Variants in MRPL14 observed in about 807,000 individuals in gnomAD.
MRPL14 encodes mitochondrial ribosomal protein L14.
A neutral mutation model predicts 10.9 loss-of-function variants in MRPL14; 8 were observed. The observed-to-expected ratio is 0.74, with a 90% CI of 0.43 to 1.33. The LOEUF (loss-of-function observed/expected upper bound fraction) is 1.33, where lower values mean the gene tolerates loss of function less well. Among genes scored for constraint, MRPL14 ranks in the 40% most tolerant of loss-of-function variants. The pLI is 0.01. For missense variants in MRPL14, 179 were observed against 194.5 expected, an observed-to-expected ratio of 0.92 and a Z score of 0.47; for synonymous variants, 82 against 74.1, an observed-to-expected ratio of 1.11 and a Z score of -0.54.
At chr6:44,126,696 A>T (rs1000770792) in intron 1 of MRPL14, among the ~76,000 whole-genome samples, 1 of 152,212 alleles carries the variant, frequency 6.6e-6, no homozygotes, top group African/African-American at 2.4e-5. Context: ...CCCTCCAGGA[A>T]CCAGAAATTA....
intron 1 of MRPL14, chr6:44,127,035 G>C (rs546703009): frequency 2.6e-5 from 4 of 152,348 alleles, no homozygotes; most frequent in South Asian, 2.1e-4. Context: ...AACGCAGCCC[G>C]CCCTCCCCAA....
chr6:44,124,318 G>A (rs1056048385), intron 1 of MRPL14, among the ~76,000 whole-genome samples: 2 of 152,134 alleles, frequency 1.3e-5, no homozygotes, highest in African/African-American at 4.8e-5. Flanking sequence ...GGGTCTCAAC[G>A]ACTCTCTGTC....
intron 1 of MRPL14, among the ~76,000 whole-genome samples, chr6:44,120,730 G>A (rs1340350527): frequency 6.6e-6 from 1 of 152,198 alleles, no homozygotes; most frequent in East Asian, 1.9e-4. Context: ...AACAGTAGGA[G>A]TGCAATAAAT....
chr6:44,127,144 A>G (rs1424138357), intron 1 of MRPL14, 200 bp downstream of exon 1: 1 of 132,088 alleles, frequency 7.6e-6, no homozygotes, highest in African/African-American at 2.6e-5. Context: ...GGATCCGGGT[A>G]AGGGGCCTCC....
In MRPL14 at chr6:44,116,449, G is replaced by GT; in HGVS notation, c.71+91dup. 35 of 1,327,814 alleles carry GT rather than the reference G, an allele frequency of 2.6e-5. 1 individual carries two copies. The South Asian group carries it at 4.1e-4, about 15-fold the overall frequency. The allele number at this position is 1,327,814 out of a possible 1,614,324, so 82.3% of individuals were successfully genotyped here. A position where few individuals can be genotyped will look rare whatever the true frequency, so the allele number is the denominator to read the frequency against. On this transcript the variant is annotated intron_variant, in intron 2 of 2. Coordinates refer to ENST00000372014, the MANE Select transcript of MRPL14 (RefSeq NM_032111.4). ...CCCAACCCCATGCCCACCTCCCTGA[G>GT]TTTTTACTCCTGTTCTAGTCACCGT...
At position 44,114,071 on chromosome 6, in the gene MRPL14, G is replaced by A. The variant is rs550952585; in HGVS notation, c.210C>T (p.Gly70=). The change falls in exon 3 of 3, where the codon GGC becomes GGT. Residue 70 remains glycine (G), a synonymous_variant. Transcript: ENST00000372014. ...VYKKNGVGKV[G]DQILLAIKGQ... is the part of the protein sequence containing the mutation. ...CCTTGATGGCCAGTAGTATCTGGTC[G>A]CCCACCTTGCCCACTCCATTCTTCT... 1.6e-5 allele frequency: 26 copies of A among 1,614,174 alleles called. No homozygotes were observed. Among genetic ancestry groups the A allele is most frequent in the African/African-American group, 6.7e-5 (5 of 75,036 alleles).
chr6:44,117,740 T>C (rs1431662668), intron 1 of MRPL14, among the ~76,000 whole-genome samples: 1 of 152,016 alleles, frequency 6.6e-6, no homozygotes, highest in South Asian at 2.1e-4. Flanking sequence ...TGCAGCTCAC[T>C]GCAGTCCCGA....
At chr6:44,114,583 C>T (rs1386741642) in intron 2 of MRPL14, among the ~76,000 whole-genome samples, 1 of 152,182 alleles carries the variant, frequency 6.6e-6, no homozygotes, top group Non-Finnish European at 1.5e-5. Flanking sequence ...TCCTGAAAAA[C>T]CTGCTTCCCC....
At position 44,113,873 on chromosome 6, in the gene MRPL14, C is replaced by T; in HGVS notation, c.408G>A (p.Lys136=). 6.3e-7 allele frequency: 1 copy of T among 1,589,762 alleles called. No homozygotes were observed. Among genetic ancestry groups the T allele is most frequent in the African/African-American group, 1.3e-5 (1 of 74,404 alleles). Residue 136 remains lysine (K), a synonymous_variant, in exon 3 of 3, where the codon AAG becomes AAA. Transcript: ENST00000372014. ...SLRKREGEYS[K]VLAIAQNFV ...CAAAGTTCTGAGCAATGGCCAGCAC[C>T]TTGGAATACTCGCCTTCCCGCTTGC... is the stretch of plus-strand genomic sequence containing the variant.
At chr6:44,125,587 A>G (rs905247903) in intron 1 of MRPL14, among the ~76,000 whole-genome samples, 4 of 143,788 alleles carry the variant, frequency 2.8e-5, no homozygotes, top group Admixed American at 2.2e-4. Flanking sequence ...TCCCAGGAGA[A>G]GCTGCAGTGA....
intron 1 of MRPL14, among the ~76,000 whole-genome samples, chr6:44,122,072 G>C (rs1477201074): frequency 1.3e-5 from 2 of 151,466 alleles, no homozygotes; most frequent in East Asian, 1.9e-4. Context: ...TAGGCACAGA[G>C]AGCTCTTCCC....
intron 1 of MRPL14, among the ~76,000 whole-genome samples, chr6:44,124,897 C>G (rs565937357): frequency 2.0e-5 from 3 of 152,302 alleles, no homozygotes; most frequent in Admixed American, 2.0e-4. Context: ...GCCCTAAGAA[C>G]TATCCAAGTA....
chr6:44,122,712 G>A (rs1247596227), intron 1 of MRPL14, among the ~76,000 whole-genome samples: 12 of 93,114 alleles, frequency 1.3e-4, no homozygotes, highest in East Asian at 1.2e-3. Context: ...TGTAACGGAC[G>A]GGAAAAGAGA....
At chr6:44,122,821 C>T (rs966153182) in intron 1 of MRPL14, among the ~76,000 whole-genome samples, 5 of 152,308 alleles carry the variant, frequency 3.3e-5, no homozygotes, top group African/African-American at 1.2e-4. Flanking sequence ...AAGCAAAGGC[C>T]TGGCAGCTCT....
At chr6:44,122,602 G>A (rs1465557643) in intron 1 of MRPL14, among the ~76,000 whole-genome samples, 31 of 152,118 alleles carry the variant, frequency 2.0e-4, no homozygotes, top group Admixed American at 2.0e-3. Context: ...ACCTTTCAAG[G>A]AAAATGGCCT....
At position 44,113,817 on chromosome 6, in the gene MRPL14, C is replaced by A; in HGVS notation, c.*26G>T. Reference sequence around the variant, plus strand: ...TCTCAGAACTGCTCCATTCACGAGTCCTGCAACCAGAGGCCTGGGCTCAAC... The same window carrying A: ...TCTCAGAACTGCTCCATTCACGAGTACTGCAACCAGAGGCCTGGGCTCAAC... On this transcript the variant is annotated 3_prime_UTR_variant, in exon 3 of 3. Coordinates refer to ENST00000372014, the MANE Select transcript of MRPL14 (RefSeq NM_032111.4). 1 of 1,529,898 alleles carries A rather than the reference C, an allele frequency of 6.5e-7. No homozygotes were observed. The highest frequency in any genetic ancestry group is 8.8e-7 in the Non-Finnish European group (1 of 1,136,922). The allele number at this position is 1,529,898 out of a possible 1,614,324, so 94.8% of individuals were successfully genotyped here. A position where few individuals can be genotyped will look rare whatever the true frequency, so the allele number is the denominator to read the frequency against.
chr6:44,126,236 A>C (rs955320459), intron 1 of MRPL14, among the ~76,000 whole-genome samples: 1 of 152,248 alleles, frequency 6.6e-6, no homozygotes, highest in Non-Finnish European at 1.5e-5. Context: ...GTACACTCAC[A>C]CGTGTGTGTA....
At chr6:44,121,840 G>A (rs1168095020) in intron 1 of MRPL14, among the ~76,000 whole-genome samples, 3 of 151,826 alleles carry the variant, frequency 2.0e-5, no homozygotes, top group Non-Finnish European at 4.4e-5. Flanking sequence ...CAGCCCGGCT[G>A]AGGCAGGAGA....
At chr6:44,122,782 A>G (rs1490798335) in intron 1 of MRPL14, among the ~76,000 whole-genome samples, 3 of 152,212 alleles carry the variant, frequency 2.0e-5, no homozygotes, top group Non-Finnish European at 4.4e-5. Flanking sequence ...GCGTGAGGAT[A>G]TAAATGTCCT....
Sources: gnomAD v4.1 joint callset for allele counts (sites outside exome capture counted in the v4.1 genomes callset) on GRCh38, gnomAD v4.1.1 for gene constraint, MANE v1.5 for transcripts, NCBI Gene and HGNC (gene_info 2026-07-23, HGNC 2026-07-21) for gene names.